CFAP44: variants seen among roughly 807,000 people sequenced by gnomAD.
CFAP44 encodes cilia- and flagella-associated protein 44.
CFAP44 carries 134 observed loss-of-function variants against 216.2 expected under a neutral mutation model. The observed-to-expected ratio is 0.62, with a 90% CI of 0.54 to 0.72. The LOEUF is 0.72. Among genes scored for constraint, CFAP44 ranks in the 30% least tolerant of loss-of-function variants. CFAP44 has a pLI of 0.00. For synonymous variants in CFAP44, 700 were observed against 727.6 expected (o/e 0.96, Z 0.61); for missense variants, 2,035 against 2,182.1 (o/e 0.93, Z 1.34).
chr3:113,364,345 G>T (rs1950568986), intron 19 of CFAP44, among the ~76,000 whole-genome samples: 2 of 151,988 alleles, frequency 1.3e-5, no homozygotes, highest in South Asian at 4.1e-4. Context: ...AGTAAATAAA[G>T]ATTCTCTTTT....
chr3:113,348,061 T>C (rs1470458601), intron 22 of CFAP44, among the ~76,000 whole-genome samples: 2 of 152,192 alleles, frequency 1.3e-5, no homozygotes, highest in African/African-American at 4.8e-5. Flanking sequence ...TGCTGCTGCA[T>C]TGGTGAGCAC....
intron 22 of CFAP44, among the ~76,000 whole-genome samples, chr3:113,345,218 T>A (rs960016287): frequency 4.0e-5 from 6 of 150,884 alleles, no homozygotes; most frequent in African/African-American, 1.5e-4. Context: ...AATATAAACA[T>A]GTAAATTATA....
chr3:113,379,523 C>G lies in CFAP44; in HGVS notation c.2081G>C (p.Arg694Thr). The change falls in exon 17 of 35, where the codon AGA becomes ACA. Residue 694 changes from arginine to threonine, a missense_variant. This residue lies in a region of CFAP44 where 1,883 missense variants were observed against 2,023.7 expected (regional missense o/e 0.93). Transcript: ENST00000393845. ...LRLIEIEKRERQRELKEKIRE... is the reference protein window; with the variant it reads ...LRLIEIEKRETQRELKEKIRE... ...TATTTTCTCCTTCAACTCCCTTTGT[C>G]TCTCCCTCTTTTCAATTTCTATTAA... 6.3e-7 allele frequency: 1 copy of G among 1,593,798 alleles called. No individual in the cohort carries two copies. Among genetic ancestry groups the G allele is most frequent in the South Asian group, 1.1e-5 (1 of 89,952 alleles).
intron 33 of CFAP44, among the ~76,000 whole-genome samples, chr3:113,295,456 C>T (rs1268700155): frequency 6.6e-6 from 1 of 152,200 alleles, no homozygotes; most frequent in Non-Finnish European, 1.5e-5. Context: ...CGCCAACATT[C>T]CCTTAATAGG....
intron 21 of CFAP44, chr3:113,360,938 AG>A (rs950982983): frequency 2.7e-4 from 62 of 230,860 alleles, no homozygotes; most frequent in African/African-American, 1.3e-3. Context: ...AAAAAAAAAA[AG>A]GCAGTTGAAT....
chr3:113,389,448 A>G (rs553651587), intron 15 of CFAP44, among the ~76,000 whole-genome samples: 54 of 152,224 alleles, frequency 3.5e-4, no homozygotes, highest in African/African-American at 1.2e-3. Context: ...AACTAATGGC[A>G]TATCTTAAAG....
chr3:113,439,423 T>C (rs1935308141), intron 1 of CFAP44, among the ~76,000 whole-genome samples: 1 of 152,188 alleles, frequency 6.6e-6, no homozygotes, highest in Admixed American at 6.5e-5. Flanking sequence ...TGCCCAACAA[T>C]TGCCTGTCCA....
Position 113,291,414 on chromosome 3 carries a change from A to G in CFAP44, c.*143T>C, listed in dbSNP as rs1949827483. 1.1e-6 allele frequency: 1 copy of G among 945,026 alleles called. No individual in the cohort carries two copies. The highest frequency in any genetic ancestry group is 1.8e-5 in the South Asian group (1 of 56,300). The allele number at this position is 945,026 out of a possible 1,614,324, so 58.5% of individuals were successfully genotyped here. On this transcript the variant is annotated 3_prime_UTR_variant, in exon 35 of 35. Transcript: ENST00000393845. ...TAACCAAATTGTAGAGAGATTCTTA[A>G]AGTGACTTAACGTGACTGGATCTGG...
chr3:113,344,840 TAACATATATATACC>T (rs1950366067), intron 22 of CFAP44, 128 bp from the exon 23 acceptor site: 1 of 827,844 alleles, frequency 1.2e-6, no homozygotes, highest in African/African-American at 1.8e-5. Flanking sequence ...ACTCAAATTT[TAACATATATATACC>T]AACCAGGATG....
chr3:113,320,538 A>ATATATAATGAAGTTATATATATG (rs1559910430), intron 28 of CFAP44, among the ~76,000 whole-genome samples: 1 of 146,564 alleles, frequency 6.8e-6, no homozygotes, highest in African/African-American at 2.5e-5. Context: ...TTATATATGT[A>ATATATAATGAAGTTATATATATG]TATATATAAT....
intron 8 of CFAP44, among the ~76,000 whole-genome samples, chr3:113,405,955 G>A (rs1249483471): frequency 6.6e-6 from 1 of 152,160 alleles, no homozygotes; most frequent in African/African-American, 2.4e-5. Context: ...ATTCAGTCAG[G>A]TAGATGACTA....
At chr3:113,374,505 T>C (rs1023846536) in intron 17 of CFAP44, among the ~76,000 whole-genome samples, 4 of 152,226 alleles carry the variant, frequency 2.6e-5, no homozygotes, top group South Asian at 2.1e-4. Flanking sequence ...TGCAGTCTCA[T>C]AGACTTATGG....
chr3:113,404,592 G>C (rs1250001484), intron 8 of CFAP44, among the ~76,000 whole-genome samples: 1 of 152,090 alleles, frequency 6.6e-6, no homozygotes, highest in African/African-American at 2.4e-5. Context: ...TCTGTACCAA[G>C]CACTGGTTCA....
At chr3:113,424,560 T>C (rs1241578542) in intron 4 of CFAP44, among the ~76,000 whole-genome samples, 1 of 152,204 alleles carries the variant, frequency 6.6e-6, no homozygotes, top group African/African-American at 2.4e-5. Context: ...TTGTTCTTCC[T>C]AGAATTCCTC....
Position 113,406,572 on chromosome 3 carries a change from G to A in CFAP44, c.1005+355C>T, listed in dbSNP as rs1230239465. Among the ~76,000 whole-genome samples the A allele has an allele frequency of 6.6e-5, 10 of 151,190 alleles. No individual in the cohort carries two copies. In the South Asian group the frequency reaches 1.0e-3, roughly 16 times the overall value. ...CCGGGAGGCAGAGCTTGCAGTGAGC[G>A]GAGATCGCGCCACTGCACTCCAGCC... is the stretch of plus-strand genomic sequence containing the variant. On this transcript the variant is annotated intron_variant, in intron 8 of 34. Coordinates refer to ENST00000393845, the MANE Select transcript of CFAP44 (RefSeq NM_001164496.2).
upstream of CFAP44, chr3:113,441,498 G>C: frequency 1.0e-6 from 1 of 985,442 alleles, no homozygotes; most frequent in Non-Finnish European, 1.2e-6. Flanking sequence ...GCGTCTGCCG[G>C]AGGCCTCCGT....
At chr3:113,363,410 C>T (rs1950560118) in intron 20 of CFAP44, 67 bp downstream of exon 20, 4 of 1,583,178 alleles carry the variant, frequency 2.5e-6, no homozygotes, top group Non-Finnish European at 3.4e-6. Context: ...GCTTGGTCAA[C>T]TTCTGCACTG....
Position 113,395,765 on chromosome 3 carries a change from C to CG in CFAP44, c.1874_1875insC (p.Trp625CysfsTer8). The CG allele has an allele frequency of 6.2e-7, 1 of 1,611,268 alleles. No homozygotes were observed. On this transcript the variant is annotated frameshift_variant, in exon 15 of 35. Transcript: ENST00000393845. LOFTEE classifies it high-confidence loss of function. ...AATGACTTACATGAGACATGGGAGA[C>CG]CACATTAACTGACACACAGGTCCAG...
intron 22 of CFAP44, among the ~76,000 whole-genome samples, chr3:113,350,806 G>C (rs556937081): frequency 6.6e-6 from 1 of 152,330 alleles, no homozygotes; most frequent in African/African-American, 2.4e-5. Context: ...GTCAAAAAAA[G>C]AGGAAAGGCA....
Sources: allele counts gnomAD v4.1 joint callset (sites outside exome capture counted in the v4.1 genomes callset), GRCh38; gene constraint gnomAD v4.1.1; regional missense constraint gnomAD v4.1.1; transcripts MANE v1.5; gene names NCBI Gene and HGNC (gene_info 2026-07-23, HGNC 2026-07-21).